The following PLCB1 variants were observed in gnomAD, a reference collection of about 807,000 sequenced individuals.
PLCB1 encodes phospholipase C beta 1, also known as 1-phosphatidylinositol 4,5-bisphosphate phosphodiesterase beta-1.
A neutral mutation model predicts 161.8 loss-of-function variants in PLCB1; 46 were observed. The observed-to-expected ratio is 0.28, with a 90% CI of 0.22 to 0.36. The LOEUF is 0.36. Among genes scored for constraint, PLCB1 ranks in the 10% least tolerant of loss-of-function variants. The probability of loss-of-function intolerance (pLI) is 1.00; values close to 1 mark genes in which losing one functional copy is unlikely to be tolerated. For synonymous variants in PLCB1, 517 were observed against 503.7 expected (o/e 1.03, Z -0.35); for missense variants, 1,016 against 1,472.5 (o/e 0.69, Z 5.07).
chr20:8,523,128 T>A (rs1984416445), intron 3 of PLCB1, among the ~76,000 whole-genome samples: 1 of 151,976 alleles, frequency 6.6e-6, no homozygotes, highest in Admixed American at 6.6e-5. Context: ...TTTGAAAGGG[T>A]CATATAATCC....
intron 31 of PLCB1, among the ~76,000 whole-genome samples, chr20:8,817,749 G>C (rs758109923): frequency 2.0e-5 from 3 of 152,074 alleles, no homozygotes; most frequent in Non-Finnish European, 4.4e-5. Context: ...CCATGAGTGA[G>C]AAAGAGCAAA....
intron 3 of PLCB1, among the ~76,000 whole-genome samples, chr20:8,391,763 GTATA>G (rs146859336): frequency 0.26 from 31,537 of 121,908 alleles, 4,300 homozygotes; most frequent in African/African-American, 0.29. Flanking sequence ...AAATAATGAA[GTATA>G]TATATATATA....
intron 3 of PLCB1, among the ~76,000 whole-genome samples, chr20:8,492,996 C>A (rs918446819): frequency 1.3e-5 from 2 of 152,008 alleles, no homozygotes; most frequent in African/African-American, 4.8e-5. Context: ...ATAAAATTCC[C>A]TTATATCACC....
At chr20:8,669,776 A>G (rs531793854) in intron 9 of PLCB1, among the ~76,000 whole-genome samples, 9 of 152,340 alleles carry the variant, frequency 5.9e-5, no homozygotes. Context: ...TAGGGCACTA[A>G]AAGATAACAT....
At chr20:8,205,791 TA>T (rs918213175) in intron 2 of PLCB1, among the ~76,000 whole-genome samples, 65 of 152,206 alleles carry the variant, frequency 4.3e-4, no homozygotes, top group African/African-American at 1.4e-3. Context: ...TAAAGTAGAA[TA>T]GGGGCATGGG....
chr20:8,365,600 C>G (rs1311580582), intron 2 of PLCB1, among the ~76,000 whole-genome samples: 1 of 152,144 alleles, frequency 6.6e-6, no homozygotes, highest in Non-Finnish European at 1.5e-5. Context: ...AGTCCATCTG[C>G]TTCTTGTTAA....
chr20:8,769,461 A>G (rs528428224), intron 26 of PLCB1, among the ~76,000 whole-genome samples: 1 of 152,068 alleles, frequency 6.6e-6, no homozygotes, highest in Non-Finnish European at 1.5e-5. Flanking sequence ...GCTCCACTTA[A>G]TTTTCTATAC....
At position 8,602,640 on chromosome 20, in the gene PLCB1, C is replaced by G. The variant is rs571599514; in HGVS notation, c.247-25654C>G. Among the ~76,000 whole-genome samples the G allele has an allele frequency of 2.0e-5, 3 of 152,222 alleles. No individual in the cohort carries two copies. In the South Asian group the frequency reaches 6.2e-4, roughly 32 times the overall value. On this transcript the variant is annotated intron_variant, in intron 3 of 31. Transcript: ENST00000338037. ...AGCAGAGTGAGTGCTTAAAAGTGTT[C>G]AAAATTTTGCTTAATTGTTCTCTTC... is the stretch of plus-strand genomic sequence containing the variant.
chr20:8,189,486 G>A (rs1445415888), intron 2 of PLCB1, among the ~76,000 whole-genome samples: 1 of 151,774 alleles, frequency 6.6e-6, no homozygotes, highest in Non-Finnish European at 1.5e-5. Context: ...ATTTCCATAT[G>A]AAATTTATAT....
chr20:8,526,862 A>T (rs1984605272), intron 3 of PLCB1, among the ~76,000 whole-genome samples: 1 of 152,112 alleles, frequency 6.6e-6, no homozygotes, highest in South Asian at 2.1e-4. Flanking sequence ...AATGCAAAAA[A>T]CTATGCCTGG....
chr20:8,237,272 G>A (rs1281274509), intron 2 of PLCB1, among the ~76,000 whole-genome samples: 2 of 151,938 alleles, frequency 1.3e-5, no homozygotes, highest in South Asian at 4.1e-4. Flanking sequence ...TAGTGGAATC[G>A]TAGGCAGACA....
At chr20:8,504,215 C>T (rs1004589785) in intron 3 of PLCB1, among the ~76,000 whole-genome samples, 2 of 152,128 alleles carry the variant, frequency 1.3e-5, no homozygotes, top group Admixed American at 1.3e-4. Context: ...ACGGAGCCTG[C>T]ACCGTTTCTA....
chr20:8,573,961 A>G (rs1198603469), intron 3 of PLCB1, among the ~76,000 whole-genome samples: 3 of 151,634 alleles, frequency 2.0e-5, no homozygotes, highest in Non-Finnish European at 4.4e-5. Context: ...AAAAAGATAA[A>G]TGTAGATTTT....
At chr20:8,408,822 C>T (rs936818715) in intron 3 of PLCB1, among the ~76,000 whole-genome samples, 9 of 152,158 alleles carry the variant, frequency 5.9e-5, no homozygotes, top group Non-Finnish European at 1.0e-4. Context: ...AGCCTTTCTG[C>T]CCACGCCACA....
At chr20:8,688,689 G>T (rs1029727551) in intron 10 of PLCB1, among the ~76,000 whole-genome samples, 9 of 152,078 alleles carry the variant, frequency 5.9e-5, no homozygotes, top group African/African-American at 2.2e-4. Context: ...TCTCTATTCT[G>T]TCCCATTGTT....
chr20:8,307,192 G>T (rs1984170416), intron 2 of PLCB1, among the ~76,000 whole-genome samples: 1 of 152,238 alleles, frequency 6.6e-6, no homozygotes, highest in Non-Finnish European at 1.5e-5. Flanking sequence ...GGAGACCTAA[G>T]AGTGGGAGTA....
At chr20:8,431,016 A>G (rs1438716784) in intron 3 of PLCB1, among the ~76,000 whole-genome samples, 1 of 152,094 alleles carries the variant, frequency 6.6e-6, no homozygotes, top group Admixed American at 6.6e-5. Flanking sequence ...TATCTTTAGT[A>G]GTTTGACGTA....
chr20:8,650,978 A>G (rs1989301632), intron 7 of PLCB1, among the ~76,000 whole-genome samples: 1 of 152,208 alleles, frequency 6.6e-6, no homozygotes, highest in Non-Finnish European at 1.5e-5. Flanking sequence ...TACATCATAT[A>G]CATTAACCAC....
In PLCB1 at chr20:8,475,894, C is replaced by T. The variant is rs115160381; in HGVS notation, c.246+104444C>T. Reference sequence around the variant, plus strand: ...CTTCCAATCATGCACATGGCTGCTTCTCTACAACTCTACAAAGACAGTATC... The same window carrying T: ...CTTCCAATCATGCACATGGCTGCTTTTCTACAACTCTACAAAGACAGTATC... On this transcript the variant is annotated intron_variant, in intron 3 of 31. Coordinates refer to ENST00000338037, the MANE Select transcript of PLCB1 (RefSeq NM_015192.4). Among the ~76,000 whole-genome samples the T allele has an allele frequency of 9.6e-3, 1,458 of 152,270 alleles. 25 individuals are homozygous for T. The highest frequency in any genetic ancestry group is 0.033 in the African/African-American group (1,353 of 41,534).
Sources: allele counts gnomAD v4.1 joint callset (sites outside exome capture counted in the v4.1 genomes callset), GRCh38; gene constraint gnomAD v4.1.1; transcripts MANE v1.5; gene names NCBI Gene and HGNC (gene_info 2026-07-23, HGNC 2026-07-21).